Variants in RNF152 observed in about 807,000 individuals in gnomAD.
The protein encoded by RNF152 is ring finger protein 152.
In RNF152, 11 loss-of-function variants were observed where a neutral mutation model predicts 12.7. That is an observed-to-expected ratio of 0.86 (90% CI 0.54 to 1.43). The LOEUF (loss-of-function observed/expected upper bound fraction) is 1.43, where lower values mean the gene tolerates loss of function less well. Among genes scored for constraint, RNF152 ranks in the 40% most tolerant of loss-of-function variants. The pLI is 0.00. For missense variants in RNF152, 255 were observed against 274.8 expected, an observed-to-expected ratio of 0.93 and a Z score of 0.51; for synonymous variants, 113 against 120.3, an observed-to-expected ratio of 0.94 and a Z score of 0.40.
At chr18:61,832,914 TGTTA>T (rs1383578577) in intron 1 of RNF152, among the ~76,000 whole-genome samples, 1 of 152,208 alleles carries the variant, frequency 6.6e-6, no homozygotes, top group Non-Finnish European at 1.5e-5. Context: ...CTATAGCTCT[TGTTA>T]GTTAGTCTGT....
At chr18:61,817,969 C>T (rs1230439983) in intron 1 of RNF152, among the ~76,000 whole-genome samples, 3 of 152,118 alleles carry the variant, frequency 2.0e-5, no homozygotes, top group Non-Finnish European at 4.4e-5. Flanking sequence ...ATTGCTAGTC[C>T]TAGAACCCCA....
At chr18:61,889,725 C>G (rs1266639134) in intron 1 of RNF152, among the ~76,000 whole-genome samples, 6 of 152,190 alleles carry the variant, frequency 3.9e-5, no homozygotes, top group Non-Finnish European at 5.9e-5. Flanking sequence ...ATTCCTGCCC[C>G]CTTCAGATCT....
At chr18:61,823,173 T>C (rs1027615922) in intron 1 of RNF152, among the ~76,000 whole-genome samples, 1 of 152,258 alleles carries the variant, frequency 6.6e-6, no homozygotes. Flanking sequence ...AGCAGGACTT[T>C]GACAAACCTC....
chr18:61,861,932 G>A (rs1430178283), intron 1 of RNF152, among the ~76,000 whole-genome samples: 4 of 152,068 alleles, frequency 2.6e-5, no homozygotes, highest in Non-Finnish European at 4.4e-5. Flanking sequence ...CTCCAACATT[G>A]GGCATTAAAT....
At chr18:61,861,869 T>C (rs531936838) in intron 1 of RNF152, among the ~76,000 whole-genome samples, 27 of 152,336 alleles carry the variant, frequency 1.8e-4, no homozygotes, top group African/African-American at 6.5e-4. Context: ...AACATTCATC[T>C]ACTCAAGTGG....
Position 61,813,817 on chromosome 18 carries a change from G to T in RNF152, c.*2035C>A, listed in dbSNP as rs1276299100. The T allele has an allele frequency of 1.3e-5, 2 of 152,162 alleles. No homozygotes were observed. Among genetic ancestry groups the T allele is most frequent in the African/African-American group, 4.8e-5 (2 of 41,418 alleles). The allele number at this position is 152,162 out of a possible 1,614,324, so 9.4% of individuals were successfully genotyped here. On this transcript the variant is annotated 3_prime_UTR_variant, in exon 2 of 2. Transcript: ENST00000312828. ...TGTGTGTGTGTGTATTTTCCTCCAA[G>T]AGAAATAGAAATTAGGTCAGACATG... is the stretch of plus-strand genomic sequence containing the variant.
At chr18:61,880,423 T>C (rs989031263) in intron 1 of RNF152, among the ~76,000 whole-genome samples, 1 of 152,198 alleles carries the variant, frequency 6.6e-6, no homozygotes, top group Non-Finnish European at 1.5e-5. Flanking sequence ...CAAGCCAGAC[T>C]GCCCAGGGTC....
chr18:61,862,580 T>C (rs1156420736), intron 1 of RNF152, among the ~76,000 whole-genome samples: 1 of 152,162 alleles, frequency 6.6e-6, no homozygotes, highest in Non-Finnish European at 1.5e-5. Flanking sequence ...TCAAGGAGCT[T>C]CCAGACAGCT....
chr18:61,859,083 C>T (rs749777773), intron 1 of RNF152, among the ~76,000 whole-genome samples: 17 of 152,118 alleles, frequency 1.1e-4, no homozygotes, highest in Non-Finnish European at 2.2e-4. Context: ...GTATTATAGA[C>T]GAGGGCTGGT....
chr18:61,840,366 C>T (rs1425000909), intron 1 of RNF152, among the ~76,000 whole-genome samples: 3 of 152,204 alleles, frequency 2.0e-5, no homozygotes, highest in African/African-American at 7.2e-5. Context: ...GCCTCAACAT[C>T]TGTAAAATCT....
chr18:61,856,662 T>C (rs1422474056), intron 1 of RNF152, among the ~76,000 whole-genome samples: 1 of 151,830 alleles, frequency 6.6e-6, no homozygotes, highest in Non-Finnish European at 1.5e-5. Context: ...TTACTAGAGG[T>C]GAGGGGTTGG....
intron 1 of RNF152, among the ~76,000 whole-genome samples, chr18:61,886,534 C>T (rs1413423877): frequency 5.3e-5 from 8 of 152,202 alleles, no homozygotes. Context: ...ATTTTGCCCC[C>T]ATTGTAGGCT....
chr18:61,833,159 G>T (rs1910027673), intron 1 of RNF152, among the ~76,000 whole-genome samples: 1 of 152,150 alleles, frequency 6.6e-6, no homozygotes, highest in Non-Finnish European at 1.5e-5. Flanking sequence ...CTTTCCTGAA[G>T]ATGTAGCAAT....
chr18:61,875,105 A>T (rs1305306307), intron 1 of RNF152: 3 of 152,242 alleles, frequency 2.0e-5, no homozygotes, highest in Non-Finnish European at 2.9e-5. Context: ...TGAACAGGGT[A>T]TTGAAGGAAG....
At chr18:61,820,404 A>AT (rs1017053166) in intron 1 of RNF152, among the ~76,000 whole-genome samples, 195 of 149,958 alleles carry the variant, frequency 1.3e-3, no homozygotes, top group African/African-American at 4.0e-3. Flanking sequence ...AAGGTAATAC[A>AT]TTTTTTTTTC....
At chr18:61,864,123 C>T (rs73002600) in intron 1 of RNF152, among the ~76,000 whole-genome samples, 3,420 of 152,278 alleles carry the variant, frequency 0.022, 67 homozygotes, top group Non-Finnish European at 0.033. Context: ...CAACAACAAT[C>T]GGGTGTCCCA....
chr18:61,876,594 G>A (rs931035980), intron 1 of RNF152, among the ~76,000 whole-genome samples: 13 of 152,248 alleles, frequency 8.5e-5, no homozygotes, highest in Admixed American at 3.9e-4. Context: ...GCATACTGCA[G>A]TGGCTTACAG....
chr18:61,827,080 C>T (rs1909704934), intron 1 of RNF152, among the ~76,000 whole-genome samples: 1 of 152,152 alleles, frequency 6.6e-6, no homozygotes, highest in Non-Finnish European at 1.5e-5. Context: ...AATGATAGCT[C>T]CGGATTAAAG....
At chr18:61,859,155 T>C (rs1911352491) in intron 1 of RNF152, among the ~76,000 whole-genome samples, 1 of 152,160 alleles carries the variant, frequency 6.6e-6, no homozygotes, top group South Asian at 2.1e-4. Context: ...CCTCGCAGAC[T>C]GGGACAAGTA....
Sources: allele counts gnomAD v4.1 joint callset (sites outside exome capture counted in the v4.1 genomes callset), GRCh38; gene constraint gnomAD v4.1.1; transcripts MANE v1.5; gene names NCBI Gene and HGNC (gene_info 2026-07-23, HGNC 2026-07-21).